Variants in DRAXIN observed in about 807,000 individuals in gnomAD.
DRAXIN encodes dorsal inhibitory axon guidance protein.
DRAXIN carries 27 observed loss-of-function variants against 33.9 expected under a neutral mutation model. That is an observed-to-expected ratio of 0.80 (90% CI 0.59 to 1.10). The LOEUF is 1.10. Ranked by LOEUF, DRAXIN falls within the 50% of genes least tolerant of loss-of-function variation. The probability of loss-of-function intolerance (pLI) is 0.00; values close to 1 mark genes in which losing one functional copy is unlikely to be tolerated. For synonymous variants in DRAXIN, 178 were observed against 194.0 expected (o/e 0.92, Z 0.69); for missense variants, 371 against 460.8 (o/e 0.81, Z 1.78).
chr1:11,713,639 A>G (rs958700150), intron 5 of DRAXIN, among the ~76,000 whole-genome samples: 9 of 152,218 alleles, frequency 5.9e-5, no homozygotes, highest in Non-Finnish European at 1.3e-4. Flanking sequence ...CTGTAATCCC[A>G]GCACTATGGG....
intron 5 of DRAXIN, 77 bp downstream of exon 5, chr1:11,712,506 A>C (rs1197725224): frequency 2.1e-6 from 3 of 1,429,418 alleles, no homozygotes; most frequent in South Asian, 2.3e-5. Context: ...GGGTTCCCAC[A>C]TGTGCAGGAC....
At chr1:11,701,294 G>A (rs1217350343) in intron 1 of DRAXIN, among the ~76,000 whole-genome samples, 2 of 152,180 alleles carry the variant, frequency 1.3e-5, no homozygotes, top group Non-Finnish European at 2.9e-5. Flanking sequence ...GGAGAACCCC[G>A]GCCTTGAGAT....
intron 1 of DRAXIN, among the ~76,000 whole-genome samples, chr1:11,693,949 C>A (rs576239533): frequency 6.6e-6 from 1 of 152,288 alleles, no homozygotes; most frequent in South Asian, 2.1e-4. Context: ...GTTGCAGCCA[C>A]GATGGAGAAC....
rs1641200495 is a variant in DRAXIN, at chr1:11,696,840, G to A, written c.-11+4987G>A. 6.6e-6 allele frequency among the ~76,000 whole-genome samples: 1 copy of A among 151,484 alleles called. No homozygotes were observed. The highest frequency in any genetic ancestry group is 6.6e-5 in the Admixed American group (1 of 15,214). ...TCGCGCCACTGCACTCCAGCCTGGT[G>A]ACAGAGCAAGACTCTGTCTCAAAAA... On this transcript the variant is annotated intron_variant, in intron 1 of 6. Coordinates refer to ENST00000294485, the MANE Select transcript of DRAXIN (RefSeq NM_198545.4). The surrounding 1 kb of genome is among the most constrained non-coding windows in gnomAD (Gnocchi z 4.7).
At chr1:11,718,017 A>AAAAAAAT in intron 6 of DRAXIN, among the ~76,000 whole-genome samples, 1 of 139,986 alleles carries the variant, frequency 7.1e-6, no homozygotes, top group African/African-American at 2.6e-5. Context: ...AAAAAAAAAA[A>AAAAAAAT]GGGAGGCCCG....
upstream of DRAXIN, among the ~76,000 whole-genome samples, chr1:11,688,040 G>A (rs1640990095): frequency 6.6e-6 from 1 of 152,168 alleles, no homozygotes; most frequent in Admixed American, 6.5e-5. The surrounding 1 kb of genome is among the most constrained non-coding windows in gnomAD (Gnocchi z 4.6). Context: ...AGATCACCCA[G>A]CCAGGGGACA....
In DRAXIN at chr1:11,704,088, C is replaced by T. The variant is rs1044964734; in HGVS notation, c.-10-2161C>T. 6.6e-6 allele frequency among the ~76,000 whole-genome samples: 1 copy of T among 152,216 alleles called. No homozygotes were observed. Among genetic ancestry groups the T allele is most frequent in the East Asian group, 1.9e-4 (1 of 5,200 alleles). On this transcript the variant is annotated intron_variant, in intron 1 of 6. Transcript: ENST00000294485. This position sits in a 1 kb window ranked among gnomAD's most constrained non-coding sequence, Gnocchi z 4.6. The stretch of plus-strand genomic sequence containing the variant: ...AGCTGAGAAGCTGCCCACCTCTCTA[C>T]TGAGCCTCCTCTGCTCTCTTGCCCG...
At position 11,706,812 on chromosome 1, in the gene DRAXIN, G is replaced by A. The variant is rs1259576921; in HGVS notation, c.451+103G>A. On this transcript the variant is annotated intron_variant, in intron 2 of 6. Transcript: ENST00000294485. This position sits in a 1 kb window ranked among gnomAD's most constrained non-coding sequence, Gnocchi z 5.5. ...AAGGGTCAGGGGCATGAGGTCCAGA[G>A]GAGAGGAGGGGTCTCACTGAAGCCA... The A allele has an allele frequency of 1.5e-6, 2 of 1,295,574 alleles. No individual in the cohort carries two copies. Among genetic ancestry groups the A allele is most frequent in the Non-Finnish European group, 2.1e-6 (2 of 970,548 alleles). The allele number at this position is 1,295,574 out of a possible 1,614,324, so 80.3% of individuals were successfully genotyped here.
intron 2 of DRAXIN, among the ~76,000 whole-genome samples, chr1:11,708,125 C>T (rs987072684): frequency 3.3e-5 from 5 of 152,352 alleles, no homozygotes; most frequent in Middle Eastern, 6.8e-3. Context: ...TGTCAGCTTT[C>T]AGGGGAGGAT....
intron 3 of DRAXIN, among the ~76,000 whole-genome samples, chr1:11,710,528 G>A (rs1040956162): frequency 3.3e-5 from 5 of 151,250 alleles, no homozygotes; most frequent in South Asian, 2.1e-4. Context: ...GAAAGTAAGC[G>A]GCAAATGTGG....
intron 2 of DRAXIN, among the ~76,000 whole-genome samples, chr1:11,707,651 A>G (rs1641409851): frequency 4.6e-5 from 7 of 152,220 alleles, no homozygotes; most frequent in Admixed American, 4.6e-4. Context: ...AGGTGACTCC[A>G]GGAGAGGCAT....
At chr1:11,707,134 G>A (rs955651215) in intron 2 of DRAXIN, among the ~76,000 whole-genome samples, 13 of 152,222 alleles carry the variant, frequency 8.5e-5, no homozygotes, top group African/African-American at 2.7e-4. Context: ...CCAGGAGGCG[G>A]AGCTTGCAGT....
intron 6 of DRAXIN, among the ~76,000 whole-genome samples, 169 bp from the exon 7 acceptor site, chr1:11,719,415 C>T (rs532297331): frequency 1.9e-4 from 29 of 152,336 alleles, no homozygotes; most frequent in Admixed American, 1.8e-3. Flanking sequence ...TTCCTCCCCT[C>T]TTCCGGGTTC....
At chr1:11,697,808 A>C (rs188864151) in intron 1 of DRAXIN, among the ~76,000 whole-genome samples, 2 of 152,146 alleles carry the variant, frequency 1.3e-5, no homozygotes, top group African/African-American at 4.8e-5. Flanking sequence ...AGACCCGTGG[A>C]GGGGTAGGTG....
intron 6 of DRAXIN, among the ~76,000 whole-genome samples, chr1:11,718,000 C>CCAAAAAAAA (rs1641604850): frequency 1.2e-5 from 1 of 80,890 alleles, no homozygotes; most frequent in African/African-American, 6.2e-5. Flanking sequence ...GACCCTGTCT[C>CCAAAAAAAA]AAAAAAAAAA....
rs1335702341 is a variant in DRAXIN, at chr1:11,694,896, C to T, written c.-11+3043C>T. ...CCCCAACACCATGACCCACCCATGC[C>T]CCAACACCAAGACTTCTCTTGATGG... On this transcript the variant is annotated intron_variant, in intron 1 of 6. Transcript: ENST00000294485. This position sits in a 1 kb window ranked among gnomAD's most constrained non-coding sequence, Gnocchi z 4.9. Among the ~76,000 whole-genome samples, 1 of 152,164 alleles carries T rather than the reference C, an allele frequency of 6.6e-6. No homozygotes were observed. Among genetic ancestry groups the T allele is most frequent in the African/African-American group, 2.4e-5 (1 of 41,440 alleles).
intron 6 of DRAXIN, among the ~76,000 whole-genome samples, chr1:11,716,624 G>A (rs954800245): frequency 1.3e-5 from 2 of 152,040 alleles, no homozygotes; most frequent in African/African-American, 2.4e-5. Context: ...TAAAAATGAT[G>A]ATAATACATC....
chr1:11,721,299 C>T lies in DRAXIN; in HGVS notation c.*1603C>T, dbSNP rs745933798. On this transcript the variant is annotated 3_prime_UTR_variant, in exon 7 of 7. Transcript: ENST00000294485. ...TGAGGTGCTATCTGAAGCTAACTGC[C>T]CCTAACAGGCCAGACTCACAATGCC... The T allele has an allele frequency of 2.0e-5, 3 of 152,166 alleles. No homozygotes were observed. The highest frequency in any genetic ancestry group is 7.2e-5 in the African/African-American group (3 of 41,432). 9.4% of individuals were successfully genotyped at this position (152,166 alleles called of 1,614,324 possible). A position where few individuals can be genotyped will look rare whatever the true frequency, so the allele number is the denominator to read the frequency against.
At chr1:11,702,083 C>T (rs1641283924) in intron 1 of DRAXIN, among the ~76,000 whole-genome samples, 1 of 120,026 alleles carries the variant, frequency 8.3e-6, no homozygotes, top group Non-Finnish European at 1.6e-5. Context: ...CACATGCTCA[C>T]AACACACATG....
Sources: gnomAD v4.1 joint callset for allele counts (sites outside exome capture counted in the v4.1 genomes callset) on GRCh38, gnomAD v4.1.1 for gene constraint, Gnocchi (gnomAD v3.1) non-coding constraint, MANE v1.5 for transcripts, NCBI Gene and HGNC (gene_info 2026-07-23, HGNC 2026-07-21) for gene names.